POLR1D: variants seen among roughly 807,000 people sequenced by gnomAD.
POLR1D encodes the protein RNA polymerase I and III subunit D.
Under a neutral mutation model 10.8 loss-of-function variants are expected in POLR1D, and 8 were observed. The ratio of observed to expected loss-of-function variants is 0.74; its 90% CI spans 0.43 to 1.33. The LOEUF (loss-of-function observed/expected upper bound fraction) is 1.33. Ranked by LOEUF, POLR1D falls within the 40% of genes most tolerant of loss-of-function variation. POLR1D has a pLI of 0.01. For missense variants in POLR1D, 152 were observed against 161.7 expected (o/e 0.94, Z 0.32); for synonymous variants, 54 against 57.2 (o/e 0.94, Z 0.25).
At chr13:27,621,447 C>T (rs1018439621), upstream of POLR1D, 3 of 152,400 alleles carry the variant, frequency 2.0e-5, no homozygotes, top group African/African-American at 7.2e-5. Flanking sequence ...GGTGTGTTGA[C>T]CGACTACAGT....
chr13:27,659,621 T>C (rs78897511), intron 2 of POLR1D, among the ~76,000 whole-genome samples: 3,134 of 152,288 alleles, frequency 0.021, 91 homozygotes, highest in African/African-American at 0.07. Flanking sequence ...GCTTCCCACA[T>C]TCCTTTCATA....
At chr13:27,627,086 G>T (rs1420126077), downstream of POLR1D, among the ~76,000 whole-genome samples, 2 of 152,108 alleles carry the variant, frequency 1.3e-5, no homozygotes, top group Non-Finnish European at 2.9e-5. Flanking sequence ...CTTCTTTTTG[G>T]TTAGCGTAAT....
At chr13:27,637,801 AT>A (rs549218744) in intron 1 of POLR1D, among the ~76,000 whole-genome samples, 1,663 of 147,174 alleles carry the variant, frequency 0.011, 25 homozygotes, top group African/African-American at 0.038. Context: ...ATTAAAAAAA[AT>A]TTTTTTTTTT....
chr13:27,620,912 T>G (rs618733), upstream of POLR1D: 56,643 of 148,936 alleles, frequency 0.38, 12,417 homozygotes, highest in South Asian at 0.54. Flanking sequence ...CGGGGCGGGG[T>G]GGGGGGAGGC....
chr13:27,655,633 C>T (rs966512174), intron 2 of POLR1D, among the ~76,000 whole-genome samples: 2 of 152,018 alleles, frequency 1.3e-5, no homozygotes, highest in African/African-American at 4.8e-5. Context: ...GTCAGGTTGC[C>T]CTTGATAAAG....
chr13:27,631,359 A>G (rs1593280394), intron 1 of POLR1D, among the ~76,000 whole-genome samples: 1 of 152,282 alleles, frequency 6.6e-6, no homozygotes, highest in East Asian at 1.9e-4. Context: ...CCAAGACAGA[A>G]GCCAGTCTTT....
intron 1 of POLR1D, among the ~76,000 whole-genome samples, chr13:27,645,022 G>A (rs1191302692): frequency 6.6e-6 from 1 of 152,166 alleles, no homozygotes; most frequent in Non-Finnish European, 1.5e-5. Context: ...AATTTTGAAG[G>A]TAGTTATAGT....
downstream of POLR1D, among the ~76,000 whole-genome samples, chr13:27,624,948 A>C (rs1390586573): frequency 6.6e-6 from 1 of 152,182 alleles, no homozygotes; most frequent in Non-Finnish European, 1.5e-5. Context: ...TAGGGTCAAG[A>C]TAGAAAACAT....
At chr13:27,636,537 A>C (rs1956125617) in intron 1 of POLR1D, among the ~76,000 whole-genome samples, 1 of 151,960 alleles carries the variant, frequency 6.6e-6, no homozygotes, top group African/African-American at 2.4e-5. Flanking sequence ...TCAGGAATTA[A>C]TATAGTGTAT....
At chr13:27,632,641 A>AAC (rs1956085753) in intron 1 of POLR1D, among the ~76,000 whole-genome samples, 2 of 145,156 alleles carry the variant, frequency 1.4e-5, no homozygotes, top group Non-Finnish European at 1.5e-5. Flanking sequence ...AAATTGCAGC[A>AAC]CCCCCCGCCC....
exon 2 of POLR1D, chr13:27,648,433 A>G: frequency 6.2e-7 from 1 of 1,609,700 alleles, no homozygotes; most frequent in Non-Finnish European, 8.5e-7. Flanking sequence ...CTAGAGCTGA[A>G]ACAATGGGAC....
exon 3 of POLR1D, chr13:27,665,789 G>T (rs138599839): frequency 3.7e-5 from 59 of 1,613,920 alleles, no homozygotes; most frequent in Non-Finnish European, 4.7e-5. Context: ...AAAAGAGGGC[G>T]ATAAGGAACC....
At chr13:27,635,629 CTA>C (rs1956115963) in intron 1 of POLR1D, among the ~76,000 whole-genome samples, 1 of 149,674 alleles carries the variant, frequency 6.7e-6, no homozygotes. Context: ...AAAATTATAA[CTA>C]TAAAATGATT....
intron 2 of POLR1D, among the ~76,000 whole-genome samples, chr13:27,655,465 G>A (rs1483364935): frequency 6.6e-6 from 1 of 152,118 alleles, no homozygotes; most frequent in Non-Finnish European, 1.5e-5. Context: ...TTTTGTTTGG[G>A]ATGCAGATTC....
In POLR1D at chr13:27,623,008, T is replaced by G. The variant is rs142365486; in HGVS notation, c.160T>G (p.Ser54Ala). Residue 54 changes from serine to alanine, a missense_variant, in exon 2 of 2, where the codon TCT becomes GCT. Ser to Ala is a moderately conservative substitution (Grantham distance 99). Coordinates refer to ENST00000302979, the MANE Select transcript of POLR1D (RefSeq NM_015972.4). ...CGAGGAAGACCATACCCTAGGAAAT[T>G]CTCTACGTTACATGATCATGAAGAA... is the stretch of plus-strand genomic sequence containing the variant. ...LHEEDHTLGN[S>A]LRYMIMKNPE... The G allele has an allele frequency of 1.2e-6, 2 of 1,614,110 alleles. No individual in the cohort carries two copies. The highest frequency in any genetic ancestry group is 1.3e-5 in the African/African-American group (1 of 75,012).
At position 27,621,935 on chromosome 13, in the gene POLR1D, A is replaced by G. The variant is rs896236599; in HGVS notation, c.-49A>G. ...CTCCGCGCCTCGCGCTATGGGACAG[A>G]GCCCCCGATCCGCCAGCACCACCTG... is the stretch of plus-strand genomic sequence containing the variant. On this transcript the variant is annotated 5_prime_UTR_variant, in exon 1 of 2. Transcript: ENST00000302979. 1 of 1,568,858 alleles carries G rather than the reference A, an allele frequency of 6.4e-7. No individual in the cohort carries two copies. Among genetic ancestry groups the G allele is most frequent in the African/African-American group, 1.3e-5 (1 of 74,492 alleles).
At chr13:27,641,579 A>C (rs1956173475) in intron 1 of POLR1D, among the ~76,000 whole-genome samples, 1 of 152,218 alleles carries the variant, frequency 6.6e-6, no homozygotes, top group Non-Finnish European at 1.5e-5. Flanking sequence ...TTTTGTTATG[A>C]TGAAAGCATA....
chr13:27,655,870 G>A (rs1438019747), intron 2 of POLR1D, among the ~76,000 whole-genome samples: 1 of 151,980 alleles, frequency 6.6e-6, no homozygotes, highest in Non-Finnish European at 1.5e-5. Context: ...AGTGGAGAAG[G>A]AAAGAAAACA....
chr13:27,634,241 G>A (rs917864940), intron 1 of POLR1D, among the ~76,000 whole-genome samples: 47 of 152,188 alleles, frequency 3.1e-4, no homozygotes, highest in Non-Finnish European at 4.7e-4. Flanking sequence ...GATTCTAGGG[G>A]TTTATGATTA....
Sources: gnomAD v4.1 joint callset for allele counts (sites outside exome capture counted in the v4.1 genomes callset) on GRCh38, gnomAD v4.1.1 for gene constraint, MANE v1.5 for transcripts, NCBI Gene and HGNC (gene_info 2026-07-23, HGNC 2026-07-21) for gene names.